The following ACACA variants were observed in gnomAD, a reference collection of about 807,000 sequenced individuals.
The protein encoded by ACACA is acetyl-CoA carboxylase 1.
A neutral mutation model predicts 296.1 loss-of-function variants in ACACA; 103 were observed. The observed-to-expected ratio is 0.35, with a 90% confidence interval of 0.30 to 0.41. The LOEUF is 0.41. Ranked by LOEUF, ACACA falls within the 10% of genes least tolerant of loss-of-function variation. The pLI, the probability that ACACA is intolerant of heterozygous loss-of-function variation, is 1.00. For missense variants in ACACA, 1,554 were observed against 2,989.7 expected (o/e 0.52, Z 11.20); for synonymous variants, 953 against 1,038.6 (o/e 0.92, Z 1.58).
At chr17:37,255,129 G>A (rs2081169936) in intron 14 of ACACA, among the ~76,000 whole-genome samples, 1 of 151,772 alleles carries the variant, frequency 6.6e-6, no homozygotes, top group Non-Finnish European at 1.5e-5. Context: ...TACAGCTTGA[G>A]TTCAGGGAAT....
intron 3 of ACACA, among the ~76,000 whole-genome samples, chr17:37,322,724 T>C (rs2047411920): frequency 6.6e-6 from 1 of 151,778 alleles, no homozygotes; most frequent in Non-Finnish European, 1.5e-5. Context: ...CTTGCAATGG[T>C]GGAACGACAA....
chr17:37,405,496 G>T (rs1210515031), intron 1 of ACACA, among the ~76,000 whole-genome samples: 1 of 152,176 alleles, frequency 6.6e-6, no homozygotes, highest in Admixed American at 6.6e-5. Context: ...ATGTCTGGAA[G>T]GGTACATACC....
chr17:37,192,058 G>A, intron 37 of ACACA, 32 bp downstream of exon 37: 1 of 1,599,870 alleles, frequency 6.3e-7, no homozygotes, highest in Non-Finnish European at 8.6e-7. Flanking sequence ...CCTTCCCTCA[G>A]GGATAACATC....
In ACACA at chr17:37,111,599, C is replaced by T. The variant is rs1567673018; in HGVS notation, c.6497G>A (p.Arg2166His). Residue 2166 changes from arginine (R) to histidine (H), a missense_variant, in exon 52 of 56, where the codon CGC becomes CAC. Coordinates refer to ENST00000616317, the MANE Select transcript of ACACA (RefSeq NM_198834.3). ...CATGGTTTTCACCAGATCCTTTCTG[C>T]GGAATTTGATTTCTACTGTCCCTTC... ...EPEGTVEIKF[R>H]RKDLVKTMRR... The T allele has an allele frequency of 6.2e-7, 1 of 1,614,116 alleles. No individual in the cohort carries two copies. Among genetic ancestry groups the T allele is most frequent in the South Asian group, 1.1e-5 (1 of 91,080 alleles).
chr17:37,309,776 G>A (rs1168523010), intron 3 of ACACA, among the ~76,000 whole-genome samples: 1 of 152,110 alleles, frequency 6.6e-6, no homozygotes, highest in Non-Finnish European at 1.5e-5. Flanking sequence ...TCTAGGCCAG[G>A]TGTGGTGGCT....
intron 26 of ACACA, 26 bp downstream of exon 26, chr17:37,226,310 CCTT>C: frequency 1.9e-6 from 3 of 1,554,592 alleles, no homozygotes; most frequent in Non-Finnish European, 2.7e-6. Context: ...AGCCATCCCT[CCTT>C]TAAGAAAACC....
intron 1 of ACACA, among the ~76,000 whole-genome samples, chr17:37,381,816 AT>A (rs754105362): frequency 6.8e-4 from 103 of 151,572 alleles, no homozygotes; most frequent in Non-Finnish European, 1.2e-3. Flanking sequence ...TTTGGTAGAG[AT>A]GGGGTTTCAC....
intron 47 of ACACA, among the ~76,000 whole-genome samples, chr17:37,126,775 T>C (rs910431977): frequency 1.3e-5 from 2 of 152,242 alleles, no homozygotes; most frequent in Admixed American, 6.5e-5. Context: ...CTTGCCTCTA[T>C]GGCCCCAGTG....
intron 1 of ACACA, 91 bp from the exon 2 acceptor site, chr17:37,339,941 T>C: frequency 1.4e-6 from 1 of 697,700 alleles, no homozygotes; most frequent in Non-Finnish European, 2.5e-6. Context: ...ACAAAGGTAA[T>C]AATATATGAA....
At chr17:37,117,779 G>A (rs1170954185) in intron 50 of ACACA, among the ~76,000 whole-genome samples, 5 of 143,842 alleles carry the variant, frequency 3.5e-5, no homozygotes, top group South Asian at 2.2e-4. Context: ...CTCCTAGGCC[G>A]ACTAGTAGAG....
chr17:37,243,225 T>C, intron 22 of ACACA, 146 bp downstream of exon 22: 1 of 818,378 alleles, frequency 1.2e-6, no homozygotes, highest in Non-Finnish European at 2.0e-6. Flanking sequence ...GTTTGTACCC[T>C]GAGGCAGTTT....
intron 41 of ACACA, among the ~76,000 whole-genome samples, chr17:37,178,752 GA>G (rs964780137): frequency 6.6e-6 from 1 of 152,102 alleles, no homozygotes; most frequent in Non-Finnish European, 1.5e-5. Flanking sequence ...AGTGAGCTGA[GA>G]TTGAGCCACT....
At chr17:37,106,635 A>G (rs1023135318) in intron 52 of ACACA, among the ~76,000 whole-genome samples, 3 of 152,210 alleles carry the variant, frequency 2.0e-5, no homozygotes, top group Admixed American at 6.5e-5. Context: ...CATATAAAAA[A>G]GGTCAGGGAA....
At chr17:37,243,719 G>C (rs891723054) in intron 21 of ACACA, among the ~76,000 whole-genome samples, 160 bp from the exon 22 acceptor site, 3 of 152,160 alleles carry the variant, frequency 2.0e-5, no homozygotes, top group African/African-American at 7.2e-5. Flanking sequence ...CCCATGTATA[G>C]AAATAGTTGT....
In ACACA at chr17:37,097,467, T is replaced by C. The variant is rs571338652; in HGVS notation, c.6721-301A>G. Among the ~76,000 whole-genome samples, 5 of 152,284 alleles carry C rather than the reference T, an allele frequency of 3.3e-5. No homozygotes were observed. The highest frequency in any genetic ancestry group is 1.3e-4 in the Admixed American group (2 of 15,296). On this transcript the variant is annotated intron_variant, in intron 53 of 55. Coordinates refer to ENST00000616317, the MANE Select transcript of ACACA (RefSeq NM_198834.3). This position sits in a 1 kb window ranked among gnomAD's most constrained non-coding sequence, Gnocchi z 4.8. ...ATAACCAGACAAGGATAAATTCGTTTTGAGAAGATGGATCAAACAACTTGC... is the reference window on the plus strand; with the variant it reads ...ATAACCAGACAAGGATAAATTCGTTCTGAGAAGATGGATCAAACAACTTGC...
chr17:37,093,041 T>C (rs375159801), intron 54 of ACACA, among the ~76,000 whole-genome samples: 74 of 152,166 alleles, frequency 4.9e-4, no homozygotes, highest in African/African-American at 1.5e-3. Flanking sequence ...TCCAGGCCCA[T>C]AGCAGGGCCA....
At position 37,260,286 on chromosome 17, in the gene ACACA, ATATATATATATTTTTTTT is replaced by A. The variant is rs1306267412; in HGVS notation, c.1330-774_1330-757del. ...TATATATATATATATATATATATAT[ATATATATATATTTTTTTT>A]TTTTTTTTTTTTGGAGATGGAGTCT... On this transcript the variant is annotated intron_variant, in intron 11 of 55. Coordinates refer to ENST00000616317, the MANE Select transcript of ACACA (RefSeq NM_198834.3). Among the ~76,000 whole-genome samples the A allele has an allele frequency of 5.0e-3, 155 of 30,896 alleles. 3 individuals carry two copies. Among genetic ancestry groups the A allele is most frequent in the Non-Finnish European group, 6.6e-3 (125 of 19,010 alleles). The allele number at this position is 30,896 out of a possible 152,430, so 20.3% of individuals were successfully genotyped here.
intron 55 of ACACA, 111 bp downstream of exon 55, chr17:37,088,827 G>T: frequency 7.2e-7 from 1 of 1,397,082 alleles, no homozygotes; most frequent in Non-Finnish European, 1.0e-6. Context: ...AACAGCAAGA[G>T]ACTGCAGAGA....
At chr17:37,173,205 C>T (rs558900679) in intron 41 of ACACA, among the ~76,000 whole-genome samples, 1 of 152,192 alleles carries the variant, frequency 6.6e-6, no homozygotes, top group Non-Finnish European at 1.5e-5. Context: ...AGCATATACA[C>T]ACTCTCTACA....
Sources: allele counts gnomAD v4.1 joint callset (sites outside exome capture counted in the v4.1 genomes callset), GRCh38; gene constraint gnomAD v4.1.1; non-coding constraint Gnocchi (gnomAD v3.1); transcripts MANE v1.5; gene names NCBI Gene and HGNC (gene_info 2026-07-23, HGNC 2026-07-21).